PSKH1: variants seen among roughly 807,000 people sequenced by gnomAD.
PSKH1 encodes serine/threonine-protein kinase H1.
A neutral mutation model predicts 26.7 loss-of-function variants in PSKH1; 12 were observed. The ratio of observed to expected loss-of-function variants is 0.45; its 90% CI spans 0.29 to 0.73. The LOEUF is 0.73. PSKH1 is among the 30% of genes least tolerant of loss of function. The probability of loss-of-function intolerance (pLI) is 0.11; values close to 1 mark genes in which losing one functional copy is unlikely to be tolerated. For synonymous variants in PSKH1, 213 were observed against 234.3 expected (o/e 0.91, Z 0.83); for missense variants, 431 against 595.2 (o/e 0.72, Z 2.87).
intron 1 of PSKH1, among the ~76,000 whole-genome samples, chr16:67,906,351 C>T (rs2418918): frequency 0.051 from 7,567 of 149,078 alleles, 558 homozygotes; most frequent in African/African-American, 0.17. Flanking sequence ...GGATTACAGG[C>T]GTGAGCCTCC....
chr16:67,913,519 G>A (rs2058178894), intron 2 of PSKH1, among the ~76,000 whole-genome samples: 1 of 152,040 alleles, frequency 6.6e-6, no homozygotes, highest in South Asian at 2.1e-4. Context: ...AGCTATAAAA[G>A]CATGCCAGGT....
At chr16:67,897,477 G>A (rs1733397843) in intron 1 of PSKH1, among the ~76,000 whole-genome samples, 2 of 152,198 alleles carry the variant, frequency 1.3e-5, no homozygotes, top group South Asian at 4.2e-4. Context: ...GCCTTGAAAT[G>A]GCCTCTCAGG....
At chr16:67,894,458 AGATAACG>A (rs2058120528) in intron 1 of PSKH1, among the ~76,000 whole-genome samples, 1 of 152,202 alleles carries the variant, frequency 6.6e-6, no homozygotes, top group African/African-American at 2.4e-5. Context: ...CTTGTGCTTT[AGATAACG>A]CAGTTTTCTC....
chr16:67,899,281 G>C (rs2058135310), intron 1 of PSKH1, among the ~76,000 whole-genome samples: 1 of 151,488 alleles, frequency 6.6e-6, no homozygotes, highest in Non-Finnish European at 1.5e-5. Flanking sequence ...CATTTCTAAG[G>C]TTCTAGAATT....
At chr16:67,902,953 AC>A (rs2151310912) in intron 1 of PSKH1, 1 of 152,124 alleles carries the variant, frequency 6.6e-6, no homozygotes, top group Admixed American at 6.5e-5. Context: ...GCAAAATTCC[AC>A]AGTCCGTAGT....
chr16:67,915,208 A>AGAGAGTGT (rs1479412956), intron 2 of PSKH1, among the ~76,000 whole-genome samples: 1 of 143,896 alleles, frequency 6.9e-6, no homozygotes, highest in African/African-American at 2.6e-5. Flanking sequence ...AGAGAGAGAG[A>AGAGAGTGT]GTGTGTGTGT....
At chr16:67,896,179 G>A (rs1366396840) in intron 1 of PSKH1, among the ~76,000 whole-genome samples, 1 of 151,896 alleles carries the variant, frequency 6.6e-6, no homozygotes, top group Non-Finnish European at 1.5e-5. Flanking sequence ...CGTGAGCTCG[G>A]CTCACTACAA....
At chr16:67,926,130 T>C (rs1211278116) in intron 2 of PSKH1, among the ~76,000 whole-genome samples, 1 of 152,114 alleles carries the variant, frequency 6.6e-6, no homozygotes, top group African/African-American at 2.4e-5. Flanking sequence ...AGCATCCCTG[T>C]TGAGTCATCT....
intron 2 of PSKH1, among the ~76,000 whole-genome samples, chr16:67,921,391 C>T (rs1221253786): frequency 1.3e-5 from 2 of 151,848 alleles, no homozygotes; most frequent in Non-Finnish European, 2.9e-5. Context: ...CTGGCTAACA[C>T]GGTGAAACAC....
intron 1 of PSKH1, among the ~76,000 whole-genome samples, chr16:67,904,952 G>A (rs1000079167): frequency 6.7e-6 from 1 of 149,328 alleles, no homozygotes; most frequent in African/African-American, 2.5e-5. Flanking sequence ...TCAGCCTCCC[G>A]AGTAGCTGAG....
intron 1 of PSKH1, among the ~76,000 whole-genome samples, chr16:67,894,757 T>G (rs1395107961): frequency 6.6e-6 from 1 of 152,118 alleles, no homozygotes. Flanking sequence ...AATGGATAGA[T>G]TCAACTGTAT....
At chr16:67,914,066 G>C (rs114014466) in intron 2 of PSKH1, among the ~76,000 whole-genome samples, 1 of 152,168 alleles carries the variant, frequency 6.6e-6, no homozygotes, top group Non-Finnish European at 1.5e-5. Context: ...GCTGTGGTCC[G>C]TCAGAGGACC....
At position 67,900,231 on chromosome 16, in the gene PSKH1, T is replaced by C. The variant is rs1036227211; in HGVS notation, c.-71+6860T>C. 3.3e-5 allele frequency among the ~76,000 whole-genome samples: 5 copies of C among 152,040 alleles called. No homozygotes were observed. The South Asian group carries it at 8.3e-4, about 25-fold the overall frequency. On this transcript the variant is annotated intron_variant, in intron 1 of 2. Transcript: ENST00000291041. ...CCTGCCTTGGCCTCCCAAAATGCTG[T>C]GATTATAGGCGTGAGCCACTGCGCC...
chr16:67,920,484 C>T (rs1297455011), intron 2 of PSKH1, among the ~76,000 whole-genome samples: 5 of 152,140 alleles, frequency 3.3e-5, no homozygotes, highest in Non-Finnish European at 7.3e-5. Context: ...GTCTTGAACT[C>T]CTGGCCTCAA....
At chr16:67,894,432 C>A (rs1162749364) in intron 1 of PSKH1, among the ~76,000 whole-genome samples, 3 of 152,226 alleles carry the variant, frequency 2.0e-5, no homozygotes, top group African/African-American at 7.2e-5. Flanking sequence ...AAGCGTGAGC[C>A]ACTGTGCTTG....
intron 1 of PSKH1, among the ~76,000 whole-genome samples, chr16:67,897,537 G>T (rs893840978): frequency 1.3e-5 from 2 of 152,182 alleles, no homozygotes; most frequent in African/African-American, 4.8e-5. Flanking sequence ...AGCCATCCAG[G>T]CTGTAAGTTC....
chr16:67,916,299 G>A (rs1669867097), intron 2 of PSKH1, among the ~76,000 whole-genome samples: 1 of 152,164 alleles, frequency 6.6e-6, no homozygotes, highest in African/African-American at 2.4e-5. Context: ...CTTTCTAGGG[G>A]CACCTTTCCT....
intron 1 of PSKH1, among the ~76,000 whole-genome samples, chr16:67,894,735 T>C (rs1430589952): frequency 6.6e-6 from 1 of 152,210 alleles, no homozygotes; most frequent in Non-Finnish European, 1.5e-5. Flanking sequence ...ATTTGCTGAA[T>C]GCTGACTTAT....
chr16:67,896,375 C>T (rs1386121532), intron 1 of PSKH1, among the ~76,000 whole-genome samples: 1 of 152,026 alleles, frequency 6.6e-6, no homozygotes, highest in African/African-American at 2.4e-5. Context: ...TCCCAAAGTG[C>T]TGGGATTACA....
Sources: allele counts gnomAD v4.1 joint callset (sites outside exome capture counted in the v4.1 genomes callset), GRCh38; gene constraint gnomAD v4.1.1; transcripts MANE v1.5; gene names NCBI Gene and HGNC (gene_info 2026-07-23, HGNC 2026-07-21).